The following MAP1A variants were observed in gnomAD, a reference collection of about 807,000 sequenced individuals.
The protein encoded by MAP1A is microtubule associated protein 1A.
In MAP1A, 42 loss-of-function variants were observed where a neutral mutation model predicts 185.9. The observed-to-expected ratio is 0.23, with a 90% CI of 0.18 to 0.29. The LOEUF (loss-of-function observed/expected upper bound fraction) is 0.29. Among genes scored for constraint, MAP1A ranks in the 10% least tolerant of loss-of-function variants. The pLI is 1.00. For missense variants in MAP1A, 2,995 were observed against 3,450.4 expected (o/e 0.87, Z 3.31); for synonymous variants, 1,229 against 1,335.9 (o/e 0.92, Z 1.74).
chr15:43,511,303 A>G (rs2079276414), intron 1 of MAP1A: 11 of 1,104,908 alleles, frequency 1.0e-5, no homozygotes, highest in Non-Finnish European at 1.1e-5. Context: ...CTACCAATGC[A>G]TACGTCTGCA....
chr15:43,521,518 G>A lies in MAP1A; in HGVS notation c.45G>A (p.Val15=). The change falls in exon 4 of 6, where the codon GTG becomes GTA. Residue 15 remains valine (V), a synonymous_variant. Coordinates refer to ENST00000300231, the MANE Select transcript of MAP1A (RefSeq NM_002373.6). This position sits in a 1 kb window ranked among gnomAD's most constrained non-coding sequence, Gnocchi z 4.6. ...AEFSEYVSET[V]DVPSPFDLLE... ...TCTCCGAGTATGTCTCTGAGACTGTGGACGTGCCATCCCCATTTGACCTAC... is the reference window on the plus strand; with the variant it reads ...TCTCCGAGTATGTCTCTGAGACTGTAGACGTGCCATCCCCATTTGACCTAC... The A allele has an allele frequency of 6.2e-7, 1 of 1,614,152 alleles. No individual in the cohort carries two copies. Among genetic ancestry groups the A allele is most frequent in the African/African-American group, 1.3e-5 (1 of 75,044 alleles).
chr15:43,511,435 A>G (rs2079277581), intron 1 of MAP1A, among the ~76,000 whole-genome samples: 1 of 151,990 alleles, frequency 6.6e-6, no homozygotes, highest in Non-Finnish European at 1.5e-5. Flanking sequence ...TGCACACTCC[A>G]TGGCGTTCCG....
At chr15:43,518,317 C>A (rs555853857) in intron 1 of MAP1A, among the ~76,000 whole-genome samples, 1 of 152,080 alleles carries the variant, frequency 6.6e-6, no homozygotes, top group Non-Finnish European at 1.5e-5. Context: ...CTAAACCCCC[C>A]TTTCTGGCCC....
At chr15:43,512,034 C>T (rs1231194008) in intron 1 of MAP1A, among the ~76,000 whole-genome samples, 4 of 152,336 alleles carry the variant, frequency 2.6e-5, no homozygotes, top group Admixed American at 1.3e-4. Flanking sequence ...CCATTACTAG[C>T]CACCTTTCTT....
rs764580037 is a variant in MAP1A at position 43,523,532 on chromosome 15, G to C, written c.2059G>C (p.Glu687Gln). ...AEGFYQKHMQ[E>Q]PLKVTPRSRE... ...GGGTTTTTACCAAAAACATATGCAG[G>C]AACCCTTGAAGGTAACTCCAAGGAG... is the stretch of plus-strand genomic sequence containing the variant. Residue 687 changes from glutamate to glutamine, a missense_variant, in exon 4 of 6, where the codon GAA becomes CAA. Glu to Gln is a conservative substitution (Grantham distance 29). Around this residue, in one of 3 missense-constraint regions of MAP1A, gnomAD observed 2,728 missense variants for 2,986.0 expected, o/e 0.91. Transcript: ENST00000300231. 9.3e-6 allele frequency: 15 copies of C among 1,614,164 alleles called. No homozygotes were observed. The South Asian group carries it at 1.6e-4, about 18-fold the overall frequency.
In MAP1A at chr15:43,525,106, T is replaced by A; in HGVS notation, c.3633T>A (p.Asp1211Glu). ...EESPSKETSL[D>E]VSSKQLSPES... ...GTCCCAGCAAGGAGACCTCCCTGGA[T>A]GTCTCTTCTAAGCAGCTCTCTCCAG... is the stretch of plus-strand genomic sequence containing the variant. Residue 1211 changes from aspartate (D) to glutamate (E), a missense_variant, in exon 4 of 6, where the codon GAT becomes GAA. Physicochemically the swap from Asp to Glu is conservative, Grantham distance 45 (BLOSUM62 2). Coordinates refer to ENST00000300231, the MANE Select transcript of MAP1A (RefSeq NM_002373.6). 1 of 1,614,170 alleles carries A rather than the reference T, an allele frequency of 6.2e-7. No individual in the cohort carries two copies. Among genetic ancestry groups the A allele is most frequent in the Non-Finnish European group, 8.5e-7 (1 of 1,180,010 alleles).
chr15:43,521,390 G>T lies in MAP1A; in HGVS notation c.-84G>T, dbSNP rs1398956547. The T allele has an allele frequency of 6.2e-7, 1 of 1,613,790 alleles. No homozygotes were observed. ...CTTCCTTACCGTGTCCTGCTTAGGG[G>T]AAGGTGATTGGAGCCACCTGGGATT... On this transcript the variant is annotated 5_prime_UTR_variant, in exon 4 of 6. Coordinates refer to ENST00000300231, the MANE Select transcript of MAP1A (RefSeq NM_002373.6). The surrounding 1 kb of genome is among the most constrained non-coding windows in gnomAD (Gnocchi z 4.6).
At position 43,530,049 on chromosome 15, in the gene MAP1A, A is replaced by G. The variant is rs1367584632; in HGVS notation, c.8257-20A>G. Reference sequence around the variant, plus strand: ...TTCCCTTTATGTTCTCACATCAGACATATCTTATCTCCCTTCTAGGTGACT... The same window carrying G: ...TTCCCTTTATGTTCTCACATCAGACGTATCTTATCTCCCTTCTAGGTGACT... On this transcript the variant is annotated intron_variant, in intron 5 of 5. Coordinates refer to ENST00000300231, the MANE Select transcript of MAP1A (RefSeq NM_002373.6). 21 of 1,613,186 alleles carry G rather than the reference A, an allele frequency of 1.3e-5. No individual in the cohort carries two copies. The highest frequency in any genetic ancestry group is 3.3e-5 in the Admixed American group (2 of 59,992).
Position 43,527,914 on chromosome 15 carries a change from C to T in MAP1A, c.6441C>T (p.Ser2147=). ...TLWPETEAHV[S]PPLDSHLGPA... is the part of the protein sequence containing the mutation. ...GGCCAGAAACTGAGGCACATGTTAG[C>T]CCTCCCTTGGACTCACACCTGGGGC... Residue 2147 remains serine, a synonymous_variant, in exon 4 of 6, where the codon AGC becomes AGT. Coordinates refer to ENST00000300231, the MANE Select transcript of MAP1A (RefSeq NM_002373.6). The T allele has an allele frequency of 6.2e-7, 1 of 1,614,120 alleles. No homozygotes were observed. The highest frequency in any genetic ancestry group is 8.5e-7 in the Non-Finnish European group (1 of 1,180,000).
Position 43,521,253 on chromosome 15 carries a change from G to T in MAP1A, c.-150-71G>T. ...CCACCTTGGAAAGAGGTGAAGATTAGGGTACTGAATCTAAGTCAGACCAAA... is the reference window on the plus strand; with the variant it reads ...CCACCTTGGAAAGAGGTGAAGATTATGGTACTGAATCTAAGTCAGACCAAA... On this transcript the variant is annotated intron_variant, in intron 3 of 5. Coordinates refer to ENST00000300231, the MANE Select transcript of MAP1A (RefSeq NM_002373.6). This position sits in a 1 kb window ranked among gnomAD's most constrained non-coding sequence, Gnocchi z 4.6. 1 of 1,489,688 alleles carries T rather than the reference G, an allele frequency of 6.7e-7. No individual in the cohort carries two copies. The allele number at this position is 1,489,688 out of a possible 1,614,324, so 92.3% of individuals were successfully genotyped here. A position where few individuals can be genotyped will look rare whatever the true frequency, so the allele number is the denominator to read the frequency against.
upstream of MAP1A, among the ~76,000 whole-genome samples, chr15:43,516,817 C>T (rs975932850): frequency 6.6e-6 from 1 of 152,146 alleles, no homozygotes; most frequent in African/African-American, 2.4e-5. Context: ...GGCCGGAGGC[C>T]CTGGTGATCC....
intron 1 of MAP1A, among the ~76,000 whole-genome samples, chr15:43,511,580 A>G (rs2079278662): frequency 6.6e-6 from 1 of 152,156 alleles, no homozygotes; most frequent in Non-Finnish European, 1.5e-5. Flanking sequence ...ATCTTGCTGT[A>G]TCTTCTTTAT....
At chr15:43,511,900 C>T (rs1271154672) in intron 1 of MAP1A, among the ~76,000 whole-genome samples, 1 of 152,234 alleles carries the variant, frequency 6.6e-6, no homozygotes, top group East Asian at 1.9e-4. Flanking sequence ...TCCACCACAA[C>T]TGGGGAACCT....
In MAP1A at chr15:43,527,426, A is replaced by G; in HGVS notation, c.5953A>G (p.Thr1985Ala). 2 of 1,614,160 alleles carry G rather than the reference A, an allele frequency of 1.2e-6. No homozygotes were observed. Among genetic ancestry groups the G allele is most frequent in the South Asian group, 1.1e-5 (1 of 91,084 alleles). Reference protein sequence around the residue: ...MLTGLGPACPTREPPLGAAGD... With the variant: ...MLTGLGPACPAREPPLGAAGD... ...TACTGGGCTTGGCCCTGCATGCCCCACTAGAGAGCCTCCACTTGGAGCAGC... is the reference window on the plus strand; with the variant it reads ...TACTGGGCTTGGCCCTGCATGCCCCGCTAGAGAGCCTCCACTTGGAGCAGC... Residue 1985 changes from threonine to alanine, a missense_variant, in exon 4 of 6, where the codon ACT (threonine) becomes GCT (alanine). Coordinates refer to ENST00000300231, the MANE Select transcript of MAP1A (RefSeq NM_002373.6).
In MAP1A at chr15:43,528,674, T is replaced by C; in HGVS notation, c.7201T>C (p.Ser2401Pro). 1 of 1,613,528 alleles carries C rather than the reference T, an allele frequency of 6.2e-7. No individual in the cohort carries two copies. The highest frequency in any genetic ancestry group is 8.5e-7 in the Non-Finnish European group (1 of 1,179,930). ...GAWPEGAERS[S>P]RPDTLLSPEQ... ...CTGGCCTGAAGGAGCTGAGAGGAGCTCCCGGCCTGACACATTGCTCTCCCC... is the reference window on the plus strand; with the variant it reads ...CTGGCCTGAAGGAGCTGAGAGGAGCCCCCGGCCTGACACATTGCTCTCCCC... Residue 2401 changes from serine to proline, a missense_variant, in exon 4 of 6, where the codon TCC (serine) becomes CCC (proline). Around this residue, in one of 3 missense-constraint regions of MAP1A, gnomAD observed 2,728 missense variants for 2,986.0 expected, o/e 0.91. Transcript: ENST00000300231.
Position 43,525,797 on chromosome 15 carries a change from G to C in MAP1A, c.4324G>C (p.Ala1442Pro), listed in dbSNP as rs372376062. ...CAAAGACTTAGAAGAAAAAGACAAG[G>C]CCCTGGAACAGAAGGATAAGATTCC... is the stretch of plus-strand genomic sequence containing the variant. ...KDKDLEEKDKALEQKDKIPEE... is the reference protein window; with the variant it reads ...KDKDLEEKDKPLEQKDKIPEE... The change falls in exon 4 of 6, where the codon GCC (alanine) becomes CCC (proline). Residue 1442 changes from alanine (A) to proline (P), a missense_variant. Around this residue, in one of 3 missense-constraint regions of MAP1A, gnomAD observed 2,728 missense variants for 2,986.0 expected, o/e 0.91. Coordinates refer to ENST00000300231, the MANE Select transcript of MAP1A (RefSeq NM_002373.6). The C allele has an allele frequency of 1.9e-6, 3 of 1,613,910 alleles. No individual in the cohort carries two copies. The highest frequency in any genetic ancestry group is 2.5e-6 in the Non-Finnish European group (3 of 1,180,040).
chr15:43,520,787 G>T, intron 2 of MAP1A, 64 bp downstream of exon 2: 1 of 1,398,884 alleles, frequency 7.1e-7, no homozygotes, highest in South Asian at 1.2e-5. Context: ...ACCCTTGCCA[G>T]TGCTACCACT....
At chr15:43,511,665 C>T (rs2079279319) in intron 1 of MAP1A, among the ~76,000 whole-genome samples, 1 of 152,224 alleles carries the variant, frequency 6.6e-6, no homozygotes, top group Non-Finnish European at 1.5e-5. Context: ...AGTAGCCAAC[C>T]ACTAAGTGAC....
upstream of MAP1A, among the ~76,000 whole-genome samples, chr15:43,513,320 T>TC (rs1402531231): frequency 7.0e-6 from 1 of 143,650 alleles, no homozygotes; most frequent in Non-Finnish European, 1.5e-5. Context: ...AAAGTGAAAC[T>TC]CCATCTCAGG....
Sources: allele counts gnomAD v4.1 joint callset (sites outside exome capture counted in the v4.1 genomes callset), GRCh38; gene constraint gnomAD v4.1.1; regional missense constraint gnomAD v4.1.1; non-coding constraint Gnocchi (gnomAD v3.1); transcripts MANE v1.5; gene names NCBI Gene and HGNC (gene_info 2026-07-23, HGNC 2026-07-21).